Variants in RALGAPB observed in about 807,000 individuals in gnomAD.
RALGAPB encodes Ral GTPase activating protein non-catalytic subunit beta, also known as ral GTPase-activating protein subunit beta.
Under a neutral mutation model 161.1 loss-of-function variants are expected in RALGAPB, and 25 were observed. The observed-to-expected ratio is 0.16, with a 90% CI of 0.11 to 0.22. RALGAPB has a LOEUF of 0.22. Among genes scored for constraint, RALGAPB ranks in the 10% least tolerant of loss-of-function variants. The probability of loss-of-function intolerance (pLI) is 1.00; values close to 1 mark genes in which losing one functional copy is unlikely to be tolerated. For synonymous variants in RALGAPB, 629 were observed against 626.1 expected (o/e 1.00, Z -0.07); for missense variants, 1,391 against 1,815.2 (o/e 0.77, Z 4.25).
chr20:38,477,801 T>C (rs2084851951), intron 1 of RALGAPB, among the ~76,000 whole-genome samples: 1 of 152,168 alleles, frequency 6.6e-6, no homozygotes, highest in Admixed American at 6.5e-5. Flanking sequence ...GTATTCTCCC[T>C]GTTTTACAGA....
intron 12 of RALGAPB, 90 bp from the exon 13 acceptor site, chr20:38,525,805 T>G (rs908555703): frequency 7.5e-7 from 1 of 1,340,232 alleles, no homozygotes; most frequent in African/African-American, 1.5e-5. Flanking sequence ...CCTTTCTCAT[T>G]ATACTGATCC....
chr20:38,573,282 C>T (rs1190242901), intron 28 of RALGAPB, among the ~76,000 whole-genome samples: 1 of 150,692 alleles, frequency 6.6e-6, no homozygotes, highest in Admixed American at 6.6e-5. Flanking sequence ...TATAATTTGT[C>T]TTGGGGACAG....
chr20:38,491,323 C>T (rs1420797657), intron 2 of RALGAPB, among the ~76,000 whole-genome samples: 1 of 151,708 alleles, frequency 6.6e-6, no homozygotes, highest in Non-Finnish European at 1.5e-5. Flanking sequence ...GATCAGCATA[C>T]ACTGTTTTTC....
At chr20:38,549,734 C>T (rs1001780350) in intron 20 of RALGAPB, among the ~76,000 whole-genome samples, 1 of 152,000 alleles carries the variant, frequency 6.6e-6, no homozygotes, top group African/African-American at 2.4e-5. Context: ...CACCTTTACT[C>T]ACTATCCAGA....
chr20:38,486,063 G>A (rs1318018064), intron 1 of RALGAPB, among the ~76,000 whole-genome samples: 1 of 135,854 alleles, frequency 7.4e-6, no homozygotes, highest in Non-Finnish European at 1.5e-5. Context: ...TCCACCTCCC[G>A]GTTTCACGTG....
At chr20:38,480,666 G>A (rs2084940272) in intron 1 of RALGAPB, among the ~76,000 whole-genome samples, 1 of 151,234 alleles carries the variant, frequency 6.6e-6, no homozygotes, top group Non-Finnish European at 1.5e-5. Context: ...GGGATTACAG[G>A]CATGAGCCAC....
In RALGAPB at chr20:38,493,008, G is replaced by A; in HGVS notation, c.265G>A (p.Val89Ile). 1.2e-6 allele frequency: 2 copies of A among 1,611,652 alleles called. No individual in the cohort carries two copies. Among genetic ancestry groups the A allele is most frequent in the Middle Eastern group, 1.7e-4 (1 of 6,050 alleles). ...AGAGACTGTAAAATATTGCGTTGAT[G>A]TATATACAGACTGGATTATGGCTTT... The part of the protein sequence containing the change: ...DGETVKYCVD[V>I]YTDWIMALVL... Residue 89 changes from valine to isoleucine, a missense_variant, in exon 3 of 30, where the codon GTA becomes ATA. Coordinates refer to ENST00000262879, the MANE Select transcript of RALGAPB (RefSeq NM_020336.4).
chr20:38,483,699 A>G (rs2085038101), intron 1 of RALGAPB, among the ~76,000 whole-genome samples: 1 of 152,166 alleles, frequency 6.6e-6, no homozygotes, highest in Non-Finnish European at 1.5e-5. Flanking sequence ...TGGCAAGTAG[A>G]CTAAGACATG....
At chr20:38,526,230 C>G (rs920210157) in intron 13 of RALGAPB, among the ~76,000 whole-genome samples, 188 bp downstream of exon 13, 4 of 152,234 alleles carry the variant, frequency 2.6e-5, no homozygotes, top group African/African-American at 9.6e-5. Flanking sequence ...TAAAGTGTTA[C>G]AGTTGTCTTG....
At chr20:38,494,415 G>A (rs1399338099) in intron 3 of RALGAPB, among the ~76,000 whole-genome samples, 2 of 152,212 alleles carry the variant, frequency 1.3e-5, no homozygotes, top group Non-Finnish European at 2.9e-5. Context: ...TGGATCACCT[G>A]AGGTCAGGAG....
intron 13 of RALGAPB, among the ~76,000 whole-genome samples, chr20:38,528,441 G>A (rs1223293861): frequency 6.6e-6 from 1 of 151,236 alleles, no homozygotes; most frequent in African/African-American, 2.4e-5. Context: ...GTGCAATCAT[G>A]GGTCACTGCA....
chr20:38,494,903 G>A (rs2085377966), intron 3 of RALGAPB, among the ~76,000 whole-genome samples: 1 of 152,162 alleles, frequency 6.6e-6, no homozygotes, highest in South Asian at 2.1e-4. Context: ...AATTAGGCTT[G>A]TGCCTTTACT....
rs1284856688 is a variant in RALGAPB, at chr20:38,546,408, AC to A, written c.2881del (p.Gln961AsnfsTer63). 6.2e-7 allele frequency: 1 copy of A among 1,614,082 alleles called. No individual in the cohort carries two copies. ...DNSVILAMLE[Q>X]PLGNEQNDFF... Reference sequence around the variant, plus strand: ...ACAGTGTCATCCTGGCAATGCTGGAACAACCTCTTGGAAATGAGCAGAGTAA... The same window carrying A: ...ACAGTGTCATCCTGGCAATGCTGGAAAACCTCTTGGAAATGAGCAGAGTAA... On this transcript the variant is annotated frameshift_variant, in exon 19 of 30. Coordinates refer to ENST00000262879, the MANE Select transcript of RALGAPB (RefSeq NM_020336.4). LOFTEE classifies it high-confidence loss of function.
chr20:38,573,842 T>C (rs928444206), intron 28 of RALGAPB: 4 of 184,728 alleles, frequency 2.2e-5, no homozygotes, highest in African/African-American at 9.4e-5. Context: ...AGCAGAGTAC[T>C]CTTGGCCTCT....
chr20:38,516,355 G>T lies in RALGAPB; in HGVS notation c.1036G>T (p.Val346Leu), dbSNP rs1321542629. ...TGCCATGCGTGGAATCAGCTGTCTG[G>T]TGGATGCATTCTTAGGTGAATTTTG... ...FRAMRGISCLVDAFLGISRPR... is the reference protein window; with the variant it reads ...FRAMRGISCLLDAFLGISRPR... The change falls in exon 7 of 30, where the codon GTG becomes TTG. Residue 346 changes from valine to leucine, a missense_variant. This residue lies in a region of RALGAPB where 946 missense variants were observed against 1,257.2 expected (regional missense o/e 0.75). Coordinates refer to ENST00000262879, the MANE Select transcript of RALGAPB (RefSeq NM_020336.4). 1 of 1,613,730 alleles carries T rather than the reference G, an allele frequency of 6.2e-7. No homozygotes were observed.
At chr20:38,484,228 A>G (rs1249162578) in intron 1 of RALGAPB, among the ~76,000 whole-genome samples, 1 of 152,158 alleles carries the variant, frequency 6.6e-6, no homozygotes, top group African/African-American at 2.4e-5. Flanking sequence ...ACTGGGCCTA[A>G]TGGAACTCCC....
intron 19 of RALGAPB, 22 bp from the exon 20 acceptor site, chr20:38,548,667 T>C: frequency 1.9e-6 from 3 of 1,565,724 alleles, no homozygotes; most frequent in East Asian, 4.5e-5. Context: ...ATTAAAACTT[T>C]TATATACATA....
chr20:38,536,602 C>A (rs2086815020), intron 16 of RALGAPB, among the ~76,000 whole-genome samples: 1 of 152,172 alleles, frequency 6.6e-6, no homozygotes, highest in East Asian at 1.9e-4. Context: ...GAGAGTTTCA[C>A]TTTCTTTGCA....
At chr20:38,519,958 TAA>T (rs1366193924) in intron 9 of RALGAPB, among the ~76,000 whole-genome samples, 1 of 152,228 alleles carries the variant, frequency 6.6e-6, no homozygotes, top group Non-Finnish European at 1.5e-5. Flanking sequence ...GTTAATGAAC[TAA>T]AATTTTAATG....
Sources: allele counts gnomAD v4.1 joint callset (sites outside exome capture counted in the v4.1 genomes callset), GRCh38; gene constraint gnomAD v4.1.1; regional missense constraint gnomAD v4.1.1; transcripts MANE v1.5; gene names NCBI Gene and HGNC (gene_info 2026-07-23, HGNC 2026-07-21).